IMMP2L: variants seen among roughly 807,000 people sequenced by gnomAD.
The protein encoded by IMMP2L is inner mitochondrial membrane peptidase subunit 2.
Under a neutral mutation model 19.3 loss-of-function variants are expected in IMMP2L, and 18 were observed. The observed-to-expected ratio is 0.93, with a 90% CI of 0.64 to 1.38. IMMP2L has a LOEUF of 1.38. Ranked by LOEUF, IMMP2L falls within the 40% of genes most tolerant of loss-of-function variation. The pLI, the probability that IMMP2L is intolerant of heterozygous loss-of-function variation, is 0.00. For missense variants in IMMP2L, 233 were observed against 218.2 expected (o/e 1.07, Z -0.43); for synonymous variants, 76 against 73.0 (o/e 1.04, Z -0.21).
At chr7:110,900,129 T>C (rs553720277) in intron 4 of IMMP2L, among the ~76,000 whole-genome samples, 1 of 152,202 alleles carries the variant, frequency 6.6e-6, no homozygotes, top group African/African-American at 2.4e-5. Flanking sequence ...ATATGGTATA[T>C]GTCTGACCCA....
At chr7:111,521,522 A>C (rs1289098175) in intron 1 of IMMP2L, 73 bp from the exon 2 acceptor site, 1 of 1,389,254 alleles carries the variant, frequency 7.2e-7, no homozygotes, top group African/African-American at 1.4e-5. Context: ...AAAACAGTAC[A>C]TGAAAAGTAA....
rs536572686 is a variant in IMMP2L, at chr7:110,736,842, G to C, written c.409-73121C>G. Among the ~76,000 whole-genome samples the C allele has an allele frequency of 4.6e-5, 7 of 152,232 alleles. No individual in the cohort carries two copies. In the South Asian group the frequency reaches 1.5e-3, roughly 32 times the overall value. Reference sequence around the variant, plus strand: ...CATACCTTGAGTCTCATCCATATCTGATTTAAATGATATTTAGATGAGACT... The same window carrying C: ...CATACCTTGAGTCTCATCCATATCTCATTTAAATGATATTTAGATGAGACT... On this transcript the variant is annotated intron_variant, in intron 5 of 5. Coordinates refer to ENST00000405709, the MANE Select transcript of IMMP2L (RefSeq NM_032549.4).
chr7:111,547,868 A>C (rs1255151062), intron 1 of IMMP2L, among the ~76,000 whole-genome samples: 1 of 151,916 alleles, frequency 6.6e-6, no homozygotes, highest in Non-Finnish European at 1.5e-5. Context: ...CCAGAGGCAC[A>C]TGCCACCACG....
intron 1 of IMMP2L, among the ~76,000 whole-genome samples, chr7:111,549,068 G>A (rs1055235237): frequency 2.6e-5 from 4 of 152,148 alleles, no homozygotes; most frequent in Admixed American, 6.5e-5. Context: ...GGCTTAATCA[G>A]TGAGACATTT....
At chr7:111,184,386 G>T (rs1808042953) in intron 3 of IMMP2L, among the ~76,000 whole-genome samples, 1 of 151,964 alleles carries the variant, frequency 6.6e-6, no homozygotes, top group Admixed American at 6.6e-5. Flanking sequence ...TGAATTGTGT[G>T]TAGTATTCCA....
intron 3 of IMMP2L, among the ~76,000 whole-genome samples, chr7:111,111,921 T>TTATA (rs140449960): frequency 0.01 from 1,457 of 144,066 alleles, 26 homozygotes; most frequent in African/African-American, 0.034. Context: ...TATATTTTAT[T>TTATA]TATATATATA....
intron 5 of IMMP2L, among the ~76,000 whole-genome samples, chr7:110,857,783 CTTGA>C (rs1806956544): frequency 6.6e-6 from 1 of 151,974 alleles, no homozygotes; most frequent in South Asian, 2.1e-4. Flanking sequence ...GAAGCATCTG[CTTGA>C]TTAAGATGGG....
chr7:110,808,503 T>C (rs966659547), intron 5 of IMMP2L, among the ~76,000 whole-genome samples: 11 of 152,090 alleles, frequency 7.2e-5, no homozygotes, highest in African/African-American at 2.4e-4. Flanking sequence ...CCAGGAGTAC[T>C]GTATAAAACA....
At chr7:110,717,396 C>T (rs895422322) in intron 5 of IMMP2L, among the ~76,000 whole-genome samples, 4 of 152,178 alleles carry the variant, frequency 2.6e-5, no homozygotes, top group South Asian at 2.1e-4. Flanking sequence ...ACCCAGGAGG[C>T]GGAGCTTGCA....
chr7:111,210,983 C>CA (rs971355993), intron 3 of IMMP2L, among the ~76,000 whole-genome samples: 1 of 152,046 alleles, frequency 6.6e-6, no homozygotes, highest in African/African-American at 2.4e-5. Flanking sequence ...TTAATTTAAG[C>CA]AAAAATGTTC....
Position 111,307,710 on chromosome 7 carries a change from T to A in IMMP2L, c.239+179528A>T, listed in dbSNP as rs577013550. On this transcript the variant is annotated intron_variant, in intron 3 of 5. Coordinates refer to ENST00000405709, the MANE Select transcript of IMMP2L (RefSeq NM_032549.4). ...TAATTTACAGTTTGTTTTTATTCCT[T>A]GAGAGAATTTTTTTTCTTACTTGGA... Among the ~76,000 whole-genome samples the A allele has an allele frequency of 2.0e-5, 3 of 151,904 alleles. No individual in the cohort carries two copies. In the East Asian group the frequency reaches 5.8e-4, roughly 29 times the overall value.
At chr7:111,365,795 T>C (rs1053918405) in intron 3 of IMMP2L, among the ~76,000 whole-genome samples, 1 of 152,082 alleles carries the variant, frequency 6.6e-6, no homozygotes, top group Admixed American at 6.6e-5. Flanking sequence ...CAGGGCTAGA[T>C]AGAGAAGGTA....
chr7:111,397,323 G>T (rs1464776567), intron 3 of IMMP2L, among the ~76,000 whole-genome samples: 1 of 152,092 alleles, frequency 6.6e-6, no homozygotes, highest in Non-Finnish European at 1.5e-5. Flanking sequence ...TTGAATGGCT[G>T]TATGAATATT....
intron 3 of IMMP2L, among the ~76,000 whole-genome samples, chr7:111,037,631 A>C (rs1791477835): frequency 6.6e-6 from 1 of 152,166 alleles, no homozygotes; most frequent in Non-Finnish European, 1.5e-5. Flanking sequence ...ATATAAATAA[A>C]TTCAGTTGTC....
chr7:111,366,711 A>G (rs1829794693), intron 3 of IMMP2L, among the ~76,000 whole-genome samples: 1 of 152,018 alleles, frequency 6.6e-6, no homozygotes, highest in African/African-American at 2.4e-5. Context: ...AGGCAATAAT[A>G]TCTGAAACTT....
chr7:110,956,596 A>C (rs922050918), intron 4 of IMMP2L, among the ~76,000 whole-genome samples: 1 of 151,984 alleles, frequency 6.6e-6, no homozygotes, highest in Non-Finnish European at 1.5e-5. Flanking sequence ...CTCATGTAAC[A>C]GTAAATTCAT....
At chr7:110,935,023 A>G (rs1313982629) in intron 4 of IMMP2L, among the ~76,000 whole-genome samples, 1 of 152,128 alleles carries the variant, frequency 6.6e-6, no homozygotes, top group African/African-American at 2.4e-5. Context: ...TTATGTGTGA[A>G]TTTGATCCTG....
intron 3 of IMMP2L, among the ~76,000 whole-genome samples, chr7:111,374,810 C>A (rs1212818385): frequency 6.6e-6 from 1 of 152,144 alleles, no homozygotes; most frequent in Non-Finnish European, 1.5e-5. Context: ...TGTGAAGACA[C>A]TGGATGCTGC....
chr7:110,712,171 T>C (rs1287883146), intron 5 of IMMP2L, among the ~76,000 whole-genome samples: 1 of 135,658 alleles, frequency 7.4e-6, no homozygotes, highest in African/African-American at 2.6e-5. Context: ...ATGATGGTGA[T>C]GAACAGATGG....
Sources: gnomAD v4.1 joint callset for allele counts (sites outside exome capture counted in the v4.1 genomes callset) on GRCh38, gnomAD v4.1.1 for gene constraint, MANE v1.5 for transcripts, NCBI Gene and HGNC (gene_info 2026-07-23, HGNC 2026-07-21) for gene names.